The following GABRA2 variants were observed in gnomAD, a reference collection of about 807,000 sequenced individuals.
The protein encoded by GABRA2 is gamma-aminobutyric acid type A receptor subunit alpha2.
In GABRA2, 16 loss-of-function variants were observed where a neutral mutation model predicts 48.7. That is an observed-to-expected ratio of 0.33 (90% confidence interval 0.22 to 0.50). The LOEUF (loss-of-function observed/expected upper bound fraction) is 0.50. Ranked by LOEUF, GABRA2 falls within the 20% of genes least tolerant of loss-of-function variation. The pLI, the probability that GABRA2 is intolerant of heterozygous loss-of-function variation, is 0.98. For synonymous variants in GABRA2, 185 were observed against 184.5 expected (o/e 1.00, Z -0.02); for missense variants, 275 against 535.6 (o/e 0.51, Z 4.80).
intron 3 of GABRA2, among the ~76,000 whole-genome samples, chr4:46,352,714 C>T (rs6833452): frequency 0.62 from 93,533 of 151,862 alleles, 29,404 homozygotes; most frequent in African/African-American, 0.73. Context: ...CTGTAGAGTA[C>T]TTGTCTCTAT....
chr4:46,283,734 T>C (rs1039631368), intron 8 of GABRA2, among the ~76,000 whole-genome samples: 1 of 152,184 alleles, frequency 6.6e-6, no homozygotes, highest in African/African-American at 2.4e-5. Context: ...ACAGATGTTA[T>C]TGTTTGATTC....
intron 3 of GABRA2, chr4:46,363,958 T>A (rs1319495296): frequency 1.3e-5 from 2 of 152,130 alleles, no homozygotes; most frequent in African/African-American, 4.8e-5. Flanking sequence ...TAACATCCAA[T>A]CTTGTCCCAT....
At chr4:46,364,885 G>A (rs1245622441) in intron 3 of GABRA2, 1 of 152,110 alleles carries the variant, frequency 6.6e-6, no homozygotes, top group African/African-American at 2.4e-5. Flanking sequence ...ATCATACAGG[G>A]CATGTAAAAC....
chr4:46,377,985 G>A (rs1348935263), intron 3 of GABRA2, among the ~76,000 whole-genome samples: 1 of 147,914 alleles, frequency 6.8e-6, no homozygotes, highest in Admixed American at 6.7e-5. Flanking sequence ...GGAGGGAGGT[G>A]GGGGGGTCAG....
At chr4:46,296,944 G>A (rs1724829287) in intron 8 of GABRA2, among the ~76,000 whole-genome samples, 1 of 152,114 alleles carries the variant, frequency 6.6e-6, no homozygotes, top group South Asian at 2.1e-4. Flanking sequence ...TGGCATTTGG[G>A]TTGGGGATTG....
At chr4:46,264,691 C>T (rs866154728) in intron 8 of GABRA2, among the ~76,000 whole-genome samples, 13 of 151,816 alleles carry the variant, frequency 8.6e-5, no homozygotes, top group East Asian at 3.9e-4. Context: ...CTTGGTAATA[C>T]GGCCTTATAA....
At chr4:46,306,626 T>C (rs568995554) in intron 6 of GABRA2, among the ~76,000 whole-genome samples, 24 of 152,276 alleles carry the variant, frequency 1.6e-4, no homozygotes, top group African/African-American at 5.8e-4. Flanking sequence ...GCACTTTTAC[T>C]CATGAGAATG....
At chr4:46,371,211 T>TA (rs1714838480) in intron 3 of GABRA2, among the ~76,000 whole-genome samples, 1 of 152,162 alleles carries the variant, frequency 6.6e-6, no homozygotes, top group South Asian at 2.1e-4. Context: ...TCTAGGTTTG[T>TA]AAAGTGGTCT....
chr4:46,245,222 G>C lies in GABRA2; in HGVS notation c.*5086C>G, dbSNP rs1455020154. The stretch of plus-strand genomic sequence containing the variant: ...TTGACTAGTATGTGATGGGCTCTCT[G>C]TAAGAATTATACTCTGAATCATTCC... On this transcript the variant is annotated 3_prime_UTR_variant, in exon 10 of 10. Coordinates refer to ENST00000381620, the MANE Select transcript of GABRA2 (RefSeq NM_000807.4). 6.6e-6 allele frequency among the ~76,000 whole-genome samples: 1 copy of C among 151,098 alleles called. No individual in the cohort carries two copies. The highest frequency in any genetic ancestry group is 6.6e-5 in the Admixed American group (1 of 15,100).
At chr4:46,329,660 ATCT>A (rs1731001685) in intron 4 of GABRA2, among the ~76,000 whole-genome samples, 1 of 152,086 alleles carries the variant, frequency 6.6e-6, no homozygotes, top group Non-Finnish European at 1.5e-5. Flanking sequence ...ATCACTTGAA[ATCT>A]TCTTTTATCA....
intron 3 of GABRA2, among the ~76,000 whole-genome samples, chr4:46,348,155 C>G (rs1192450209): frequency 2.6e-5 from 4 of 152,034 alleles, no homozygotes; most frequent in African/African-American, 7.2e-5. Context: ...ATTTATGCAG[C>G]CAAAAGTCAC....
intron 6 of GABRA2, among the ~76,000 whole-genome samples, chr4:46,307,070 T>G (rs995507065): frequency 6.6e-6 from 1 of 152,076 alleles, no homozygotes; most frequent in Non-Finnish European, 1.5e-5. Context: ...ATTTTTGAAA[T>G]AGGATTCTAA....
At chr4:46,362,017 A>G (rs1713280683) in intron 3 of GABRA2, among the ~76,000 whole-genome samples, 1 of 152,194 alleles carries the variant, frequency 6.6e-6, no homozygotes. Flanking sequence ...GGCTAATAGG[A>G]GGAATTGACT....
At position 46,314,290 on chromosome 4, in the gene GABRA2, T is replaced by C. The variant is rs1728175147; in HGVS notation, c.256-1574A>G. Among the ~76,000 whole-genome samples, 2 of 152,120 alleles carry C rather than the reference T, an allele frequency of 1.3e-5. 1 individual carries two copies. The highest frequency in any genetic ancestry group is 4.1e-4 in the South Asian group (2 of 4,834). ...TTTTCCAGGCAAAATTAATGAATTT[T>C]AACACTTTTTATAAAACTTCAAATT... On this transcript the variant is annotated intron_variant, in intron 4 of 9. Coordinates refer to ENST00000381620, the MANE Select transcript of GABRA2 (RefSeq NM_000807.4).
chr4:46,301,457 A>G (rs991207131), intron 8 of GABRA2, among the ~76,000 whole-genome samples: 7 of 152,194 alleles, frequency 4.6e-5, no homozygotes, highest in Non-Finnish European at 8.8e-5. Flanking sequence ...TTTTATTACG[A>G]TGACCTATAA....
intron 3 of GABRA2, among the ~76,000 whole-genome samples, chr4:46,349,531 A>G (rs912122812): frequency 9.9e-5 from 15 of 152,098 alleles, no homozygotes; most frequent in Admixed American, 9.2e-4. Context: ...GCTAAAAAAC[A>G]TAGGTTTTAA....
In GABRA2 at chr4:46,246,322, T is replaced by A. The variant is rs1237008035; in HGVS notation, c.*3986A>T. Reference sequence around the variant, plus strand: ...AATTTTAACAGCAAAATATTATGGATATTAAATAATTATGTTAAATATTTA... The same window carrying A: ...AATTTTAACAGCAAAATATTATGGAAATTAAATAATTATGTTAAATATTTA... On this transcript the variant is annotated 3_prime_UTR_variant, in exon 10 of 10. Transcript: ENST00000381620. 6.6e-6 allele frequency among the ~76,000 whole-genome samples: 1 copy of A among 151,048 alleles called. No homozygotes were observed. The highest frequency in any genetic ancestry group is 1.5e-5 in the Non-Finnish European group (1 of 67,458).
chr4:46,247,184 C>T lies in GABRA2; in HGVS notation c.*3124G>A, dbSNP rs897017752. Reference sequence around the variant, plus strand: ...AAAGATTTCTAAACATTAAGATTGGCACTTAATAAAATCATTAAAATTTAA... The same window carrying T: ...AAAGATTTCTAAACATTAAGATTGGTACTTAATAAAATCATTAAAATTTAA... On this transcript the variant is annotated 3_prime_UTR_variant, in exon 10 of 10. Transcript: ENST00000381620. 3.3e-5 allele frequency among the ~76,000 whole-genome samples: 5 copies of T among 150,964 alleles called. No individual in the cohort carries two copies. Among genetic ancestry groups the T allele is most frequent in the African/African-American group, 4.8e-5 (2 of 41,288 alleles).
At chr4:46,314,589 A>T (rs1361150797) in intron 4 of GABRA2, among the ~76,000 whole-genome samples, 1 of 152,062 alleles carries the variant, frequency 6.6e-6, no homozygotes. Context: ...TATCATCCAG[A>T]GAGTTAGCAT....
Sources: allele counts gnomAD v4.1 joint callset (sites outside exome capture counted in the v4.1 genomes callset), GRCh38; gene constraint gnomAD v4.1.1; transcripts MANE v1.5; gene names NCBI Gene and HGNC (gene_info 2026-07-23, HGNC 2026-07-21).